The following GSG1L variants were observed in gnomAD, a reference collection of about 807,000 sequenced individuals.
GSG1L encodes the protein GSG1 like, also known as germ cell-specific gene 1-like protein.
A neutral mutation model predicts 42.1 loss-of-function variants in GSG1L; 24 were observed. That is an observed-to-expected ratio of 0.57 (90% CI 0.41 to 0.80). The LOEUF is 0.80. Among genes scored for constraint, GSG1L ranks in the 30% least tolerant of loss-of-function variants. The pLI is 0.00. For synonymous variants in GSG1L, 215 were observed against 203.5 expected (o/e 1.06, Z -0.48); for missense variants, 445 against 472.2 (o/e 0.94, Z 0.53).
chr16:27,816,340 A>G (rs1016710931), intron 5 of GSG1L, among the ~76,000 whole-genome samples: 1 of 152,236 alleles, frequency 6.6e-6, no homozygotes, highest in African/African-American at 2.4e-5. Context: ...CAAAACCCAC[A>G]GGAGGTCACG....
intron 2 of GSG1L, among the ~76,000 whole-genome samples, chr16:27,945,180 A>G (rs1424727176): frequency 6.6e-6 from 1 of 151,994 alleles, no homozygotes; most frequent in Non-Finnish European, 1.5e-5. Context: ...TTTCAGGTTG[A>G]TGAAAGTGCT....
chr16:27,828,435 T>C (rs1003881407), intron 5 of GSG1L, among the ~76,000 whole-genome samples: 1 of 152,172 alleles, frequency 6.6e-6, no homozygotes, highest in African/African-American at 2.4e-5. Flanking sequence ...CTCTTTTCAC[T>C]CAATGCCATG....
intron 2 of GSG1L, among the ~76,000 whole-genome samples, chr16:27,902,468 G>T (rs935626561): frequency 1.3e-5 from 2 of 152,186 alleles, no homozygotes; most frequent in Admixed American, 1.3e-4. Flanking sequence ...GCTTCAGGAG[G>T]TGGGGAAGGA....
chr16:28,043,687 C>T (rs970429762), intron 1 of GSG1L, among the ~76,000 whole-genome samples: 1 of 152,184 alleles, frequency 6.6e-6, no homozygotes, highest in Non-Finnish European at 1.5e-5. Context: ...CAGGAGCTCC[C>T]ACTCAGTGCC....
At position 27,884,907 on chromosome 16, in the gene GSG1L, T is replaced by C. The variant is rs1416825747; in HGVS notation, c.398-269A>G. On this transcript the variant is annotated intron_variant, in intron 2 of 6. Coordinates refer to ENST00000447459, the MANE Select transcript of GSG1L (RefSeq NM_001109763.2). The surrounding 1 kb of genome is among the most constrained non-coding windows in gnomAD (Gnocchi z 4.4). The stretch of plus-strand genomic sequence containing the variant: ...TGGCTGGACCAAGGGCTCCCTTTCT[T>C]TCTCATGGATTAGATGATCACCACT... Among the ~76,000 whole-genome samples the C allele has an allele frequency of 1.3e-5, 2 of 152,118 alleles. No homozygotes were observed. The highest frequency in any genetic ancestry group is 2.9e-5 in the Non-Finnish European group (2 of 68,020).
At chr16:27,946,615 G>A (rs1373969453) in intron 2 of GSG1L, among the ~76,000 whole-genome samples, 35 of 15,384 alleles carry the variant, frequency 2.3e-3, no homozygotes, top group African/African-American at 6.2e-3. Context: ...GAGAGAGAGA[G>A]AGAGAGAGAG....
At chr16:27,975,389 G>A (rs1434734780) in intron 1 of GSG1L, among the ~76,000 whole-genome samples, 1 of 151,946 alleles carries the variant, frequency 6.6e-6, no homozygotes, top group Non-Finnish European at 1.5e-5. Context: ...CCTACTTAAG[G>A]TGGTCCCCAC....
intron 1 of GSG1L, among the ~76,000 whole-genome samples, chr16:28,056,280 C>T (rs1423878653): frequency 6.6e-6 from 1 of 152,082 alleles, no homozygotes; most frequent in African/African-American, 2.4e-5. Context: ...CCATGGAATA[C>T]TATGCAGCCA....
chr16:27,797,821 C>CAAA (rs59207468), intron 6 of GSG1L, among the ~76,000 whole-genome samples: 31 of 77,144 alleles, frequency 4.0e-4, no homozygotes, highest in East Asian at 9.7e-4. Context: ...GACTCCATCT[C>CAAA]AAAAAAAAAA....
chr16:27,870,372 ACTCT>A lies in GSG1L; in HGVS notation c.550+14110_550+14113del, dbSNP rs1391065319. On this transcript the variant is annotated intron_variant, in intron 3 of 6. Coordinates refer to ENST00000447459, the MANE Select transcript of GSG1L (RefSeq NM_001109763.2). The stretch of plus-strand genomic sequence containing the variant: ...CTTCTGTCTCTCTGTCTCGTCCATC[ACTCT>A]CTCTTTCTCTCTCTCTGTCTCCCTC... Among the ~76,000 whole-genome samples, 7 of 59,742 alleles carry A rather than the reference ACTCT, an allele frequency of 1.2e-4. 1 individual carries two copies. Among genetic ancestry groups the A allele is most frequent in the African/African-American group, 2.2e-4 (3 of 13,584 alleles). 39.2% of individuals were successfully genotyped at this position (59,742 alleles called of 152,430 possible).
chr16:27,983,761 G>A (rs571259730), intron 1 of GSG1L, among the ~76,000 whole-genome samples: 1 of 152,222 alleles, frequency 6.6e-6, no homozygotes, highest in East Asian at 1.9e-4. Context: ...AAAATGGGGG[G>A]CAGGGATACT....
intron 1 of GSG1L, among the ~76,000 whole-genome samples, chr16:27,978,552 G>A (rs766701792): frequency 5.3e-5 from 8 of 152,090 alleles, no homozygotes; most frequent in African/African-American, 9.6e-5. Context: ...TTAGCCAGGC[G>A]TGGTGGCACA....
intron 4 of GSG1L, among the ~76,000 whole-genome samples, chr16:27,837,151 A>G (rs1348758140): frequency 6.6e-6 from 1 of 152,204 alleles, no homozygotes; most frequent in Non-Finnish European, 1.5e-5. Context: ...TCATGGCAGA[A>G]GGTGAAGAGG....
At chr16:27,845,243 T>C (rs1355400325) in intron 3 of GSG1L, among the ~76,000 whole-genome samples, 182 bp from the exon 4 acceptor site, 1 of 152,138 alleles carries the variant, frequency 6.6e-6, no homozygotes, top group African/African-American at 2.4e-5. Context: ...TAGTTCTCTT[T>C]TCTTTCTTTC....
intron 2 of GSG1L, among the ~76,000 whole-genome samples, chr16:27,952,806 G>A (rs1321750258): frequency 6.6e-6 from 1 of 152,212 alleles, no homozygotes; most frequent in East Asian, 1.9e-4. Flanking sequence ...ACAGAAAACT[G>A]CATATATCCT....
intron 2 of GSG1L, among the ~76,000 whole-genome samples, chr16:27,904,341 A>C (rs2084295492): frequency 6.6e-6 from 1 of 152,100 alleles, no homozygotes; most frequent in African/African-American, 2.4e-5. Context: ...AAGCGCTGGG[A>C]TTATGGGTGT....
In GSG1L at chr16:28,063,284, G is replaced by A; in HGVS notation, c.141C>T (p.Gly47=). The change falls in exon 1 of 7, where the codon GGC becomes GGT. Residue 47 remains glycine (G), a synonymous_variant. Transcript: ENST00000447459. This position sits in a 1 kb window ranked among gnomAD's most constrained non-coding sequence, Gnocchi z 5.8. ...QRVPKPGCGQ[G]GRANCPNSGA... ...CCGAGTTGGGGCAGTTGGCGCGCCC[G>A]CCCTGGCCGCAGCCCGGCTTGGGGA... 3 of 1,373,702 alleles carry A rather than the reference G, an allele frequency of 2.2e-6. No individual in the cohort carries two copies. The highest frequency in any genetic ancestry group is 1.4e-5 in the South Asian group (1 of 69,974). 85.1% of individuals were successfully genotyped at this position (1,373,702 alleles called of 1,614,324 possible). A position where few individuals can be genotyped will look rare whatever the true frequency, so the allele number is the denominator to read the frequency against.
intron 2 of GSG1L, among the ~76,000 whole-genome samples, chr16:27,945,499 G>A (rs1052013904): frequency 2.6e-5 from 4 of 152,106 alleles, no homozygotes; most frequent in Admixed American, 6.5e-5. Context: ...TGGCAAACGC[G>A]AGCGGAAGAT....
Position 27,813,193 on chromosome 16 carries a change from G to T in GSG1L, c.831-5639C>A, listed in dbSNP as rs2083053678. Among the ~76,000 whole-genome samples the T allele has an allele frequency of 2.0e-5, 3 of 152,312 alleles. No individual in the cohort carries two copies. The South Asian group carries it at 6.2e-4, about 32-fold the overall frequency. On this transcript the variant is annotated intron_variant, in intron 5 of 6. Transcript: ENST00000447459. Reference sequence around the variant, plus strand: ...GTGTACAGACTATTTTGTCACCCAGGTAATGAGCATAGAACCCGATAGATG... The same window carrying T: ...GTGTACAGACTATTTTGTCACCCAGTTAATGAGCATAGAACCCGATAGATG...
Sources: gnomAD v4.1 joint callset for allele counts (sites outside exome capture counted in the v4.1 genomes callset) on GRCh38, gnomAD v4.1.1 for gene constraint, Gnocchi (gnomAD v3.1) non-coding constraint, MANE v1.5 for transcripts, NCBI Gene and HGNC (gene_info 2026-07-23, HGNC 2026-07-21) for gene names.